The following PIK3C3 variants were observed in gnomAD, a reference collection of about 807,000 sequenced individuals.
PIK3C3 encodes PI3-kinase type 3.
Under a neutral mutation model 126.1 loss-of-function variants are expected in PIK3C3, and 95 were observed. That is an observed-to-expected ratio of 0.75 (90% CI 0.64 to 0.89). The LOEUF is 0.89. PIK3C3 is among the 40% of genes least tolerant of loss of function. The pLI is 0.00. For synonymous variants in PIK3C3, 374 were observed against 360.0 expected, an observed-to-expected ratio of 1.04 and a Z score of -0.44; for missense variants, 829 against 1,063.2, an observed-to-expected ratio of 0.78 and a Z score of 3.06.
intron 5 of PIK3C3, among the ~76,000 whole-genome samples, chr18:41,990,025 T>G (rs1214322549): frequency 6.6e-6 from 1 of 152,218 alleles, no homozygotes; most frequent in African/African-American, 2.4e-5. Context: ...CACACTTTTC[T>G]TCCTTTTGAT....
chr18:41,959,299 TCTC>T (rs1236325411), intron 2 of PIK3C3, among the ~76,000 whole-genome samples: 1 of 152,160 alleles, frequency 6.6e-6, no homozygotes, highest in Non-Finnish European at 1.5e-5. Flanking sequence ...TTAAAGGTTT[TCTC>T]CTCCTCCTCC....
intron 20 of PIK3C3, among the ~76,000 whole-genome samples, chr18:42,048,183 A>T (rs1459370104): frequency 6.6e-6 from 1 of 152,154 alleles, no homozygotes; most frequent in East Asian, 1.9e-4. Flanking sequence ...TAATCATAAG[A>T]GTTTATTTTC....
At chr18:41,957,438 A>G (rs1979838009) in intron 1 of PIK3C3, 132 bp from the exon 2 acceptor site, 2 of 779,116 alleles carry the variant, frequency 2.6e-6, no homozygotes, top group Non-Finnish European at 3.9e-6. Flanking sequence ...ACCTTAACAC[A>G]AAGGTAAACT....
intron 4 of PIK3C3, among the ~76,000 whole-genome samples, chr18:41,978,080 T>C (rs1024008205): frequency 2.0e-5 from 3 of 152,136 alleles, no homozygotes; most frequent in African/African-American, 7.2e-5. Flanking sequence ...TCCCACATCC[T>C]CTGGAGGAGC....
At chr18:42,024,635 A>G (rs930862121) in intron 13 of PIK3C3, among the ~76,000 whole-genome samples, 12 of 151,062 alleles carry the variant, frequency 7.9e-5, no homozygotes, top group Non-Finnish European at 1.5e-4. Context: ...AGGTTTCTCC[A>G]TGTTGGTCAG....
At chr18:42,000,218 A>C (rs778676447) in intron 9 of PIK3C3, among the ~76,000 whole-genome samples, 1 of 151,878 alleles carries the variant, frequency 6.6e-6, no homozygotes, top group Non-Finnish European at 1.5e-5. Context: ...CACGCCGGCT[A>C]ATTTTGTCTT....
chr18:41,982,389 G>A lies in PIK3C3; in HGVS notation c.532-5423G>A, dbSNP rs924966713. Among the ~76,000 whole-genome samples, 5 of 152,266 alleles carry A rather than the reference G, an allele frequency of 3.3e-5. No individual in the cohort carries two copies. In the East Asian group the frequency reaches 9.6e-4, roughly 29 times the overall value. On this transcript the variant is annotated intron_variant, in intron 4 of 24. Transcript: ENST00000262039. ...GTTGGATCTAGTTGAAGGGCCCTTG[G>A]AAGAAAGTGAGAGAGCAATCAAGTT...
chr18:41,963,616 A>G (rs985062172), intron 3 of PIK3C3, among the ~76,000 whole-genome samples: 12 of 152,278 alleles, frequency 7.9e-5, no homozygotes, highest in South Asian at 2.1e-4. Context: ...GTGAAATGCT[A>G]TAGATCTGTC....
chr18:42,048,469 C>T (rs768808860), intron 20 of PIK3C3, among the ~76,000 whole-genome samples: 6 of 152,100 alleles, frequency 3.9e-5, no homozygotes, highest in African/African-American at 7.2e-5. Context: ...TGACTTTGAA[C>T]AATACTATTA....
chr18:42,011,819 T>G (rs1468649546), intron 10 of PIK3C3, among the ~76,000 whole-genome samples: 4 of 152,196 alleles, frequency 2.6e-5, no homozygotes, highest in Admixed American at 1.3e-4. Flanking sequence ...GAACACTTAT[T>G]GTGCACTGTA....
chr18:41,983,710 C>T (rs948622696), intron 4 of PIK3C3, among the ~76,000 whole-genome samples: 3 of 152,134 alleles, frequency 2.0e-5, no homozygotes, highest in Non-Finnish European at 4.4e-5. Flanking sequence ...TATTCTTACA[C>T]AGTGCAGCAA....
At chr18:42,002,953 G>A (rs1318858509) in intron 9 of PIK3C3, among the ~76,000 whole-genome samples, 2 of 152,206 alleles carry the variant, frequency 1.3e-5, no homozygotes, top group African/African-American at 2.4e-5. Context: ...ACTAACTAGG[G>A]AATGGAGCGC....
intron 14 of PIK3C3, 94 bp from the exon 15 acceptor site, chr18:42,029,231 G>A: frequency 1.3e-6 from 1 of 760,844 alleles, no homozygotes; most frequent in African/African-American, 1.7e-5. Context: ...GTTTATAACT[G>A]TGAGAAATAT....
chr18:42,059,017 G>C (rs1183419976), intron 22 of PIK3C3, among the ~76,000 whole-genome samples: 1 of 152,158 alleles, frequency 6.6e-6, no homozygotes, highest in African/African-American at 2.4e-5. Flanking sequence ...ACAGTGTTTA[G>C]TACATAGGCA....
chr18:42,029,838 C>T (rs746902876), intron 15 of PIK3C3, among the ~76,000 whole-genome samples: 2 of 151,864 alleles, frequency 1.3e-5, no homozygotes, highest in African/African-American at 2.4e-5. Flanking sequence ...CCACTGCGCC[C>T]GGCCTATTGT....
chr18:42,044,583 T>C (rs1355222120), intron 20 of PIK3C3, among the ~76,000 whole-genome samples: 1 of 151,916 alleles, frequency 6.6e-6, no homozygotes, highest in East Asian at 1.9e-4. Context: ...ACTTGGATGA[T>C]TTTTTTGTAT....
chr18:42,048,411 T>C (rs1984651641), intron 20 of PIK3C3, among the ~76,000 whole-genome samples: 1 of 152,202 alleles, frequency 6.6e-6, no homozygotes, highest in African/African-American at 2.4e-5. Context: ...ACTGCTTTCC[T>C]TGCATCTATA....
At chr18:42,019,530 G>T (rs939694234) in intron 12 of PIK3C3, among the ~76,000 whole-genome samples, 3 of 152,032 alleles carry the variant, frequency 2.0e-5, no homozygotes, top group Non-Finnish European at 2.9e-5. Context: ...CATGGTTTAG[G>T]TGATACTGTA....
chr18:42,021,908 G>C (rs1006581932), intron 13 of PIK3C3, among the ~76,000 whole-genome samples: 2 of 152,160 alleles, frequency 1.3e-5, no homozygotes, highest in Non-Finnish European at 2.9e-5. Flanking sequence ...CTGGTTCTAA[G>C]CATTTTGGCT....
Sources: gnomAD v4.1 joint callset for allele counts (sites outside exome capture counted in the v4.1 genomes callset) on GRCh38, gnomAD v4.1.1 for gene constraint, MANE v1.5 for transcripts, NCBI Gene and HGNC (gene_info 2026-07-23, HGNC 2026-07-21) for gene names.